The following ZNF121 variants were observed in gnomAD, a reference collection of about 807,000 sequenced individuals.
The protein encoded by ZNF121 is zinc finger protein 121 (clone ZHC32).
ZNF121 carries 1 observed loss-of-function variant against 2.4 expected under a neutral mutation model. The ratio of observed to expected loss-of-function variants is 0.41; its 90% confidence interval spans 0.15 to 1.94. ZNF121 has a LOEUF of 1.94. Ranked by LOEUF, ZNF121 falls within the 30% of genes most tolerant of loss-of-function variation. ZNF121 has a pLI of 0.30. For missense variants in ZNF121, 369 were observed against 466.3 expected (o/e 0.79, Z 1.92); for synonymous variants, 173 against 158.6 (o/e 1.09, Z -0.68).
rs189905991 is a variant in ZNF121, at chr19:9,581,315, C to T, written c.-160+3146G>A. Reference sequence around the variant, plus strand: ...CTGATGCAAGTCCTGCCCCTGTACCCTTTCCCTATTGGCCGGGGTCAGGTC... The same window carrying T: ...CTGATGCAAGTCCTGCCCCTGTACCTTTTCCCTATTGGCCGGGGTCAGGTC... On this transcript the variant is annotated intron_variant, in intron 1 of 3. Coordinates refer to ENST00000320451, the MANE Select transcript of ZNF121 (RefSeq NM_001008727.5). Among the ~76,000 whole-genome samples the T allele has an allele frequency of 3.2e-3, 489 of 152,258 alleles. 2 individuals are homozygous for T. The highest frequency in any genetic ancestry group is 0.011 in the African/African-American group (465 of 41,542).
chr19:9,567,053 G>A lies in ZNF121; in HGVS notation c.60C>T (p.Phe20=), dbSNP rs149905678. 156 of 1,613,954 alleles carry A rather than the reference G, an allele frequency of 9.7e-5. 1 individual carries two copies. Among genetic ancestry groups the A allele is most frequent in the Middle Eastern group, 6.6e-4 (4 of 6,060 alleles). The change falls in exon 4 of 4, where the codon TTC becomes TTT. Residue 20 remains phenylalanine, a synonymous_variant. Transcript: ENST00000320451. ...LCDFMENGEI[F]SEHSCLNAHM... The stretch of plus-strand genomic sequence containing the variant: ...GTGCATTAAGGCATGAGTGTTCACT[G>A]AAGATTTCTCCATTTTCCATAAAGT...
intron 1 of ZNF121, among the ~76,000 whole-genome samples, chr19:9,570,253 T>G (rs1287997489): frequency 2.6e-5 from 4 of 152,086 alleles, no homozygotes. Flanking sequence ...TGAAATAAAG[T>G]TATTTCTTAT....
intron 1 of ZNF121, among the ~76,000 whole-genome samples, chr19:9,576,447 G>A (rs996748075): frequency 2.0e-5 from 3 of 151,960 alleles, no homozygotes; most frequent in Admixed American, 6.6e-5. Flanking sequence ...ACAAATTAAA[G>A]TGAAACTACA....
chr19:9,578,447 A>G (rs1456328082), intron 1 of ZNF121, among the ~76,000 whole-genome samples: 2 of 152,176 alleles, frequency 1.3e-5, no homozygotes, highest in African/African-American at 4.8e-5. Context: ...CCTGATATCA[A>G]AATATTCTAC....
chr19:9,572,973 C>G (rs2074184475), intron 1 of ZNF121, among the ~76,000 whole-genome samples: 1 of 152,128 alleles, frequency 6.6e-6, no homozygotes, highest in Non-Finnish European at 1.5e-5. Context: ...CATGGTCACA[C>G]CACGGCACTG....
intron 1 of ZNF121, among the ~76,000 whole-genome samples, chr19:9,581,983 C>T (rs2074251128): frequency 6.6e-6 from 1 of 152,134 alleles, no homozygotes; most frequent in South Asian, 2.1e-4. Context: ...ATGTATTTAC[C>T]TGAGGTGAAA....
At chr19:9,570,521 A>G (rs2074166441) in intron 1 of ZNF121, among the ~76,000 whole-genome samples, 1 of 152,126 alleles carries the variant, frequency 6.6e-6, no homozygotes, top group African/African-American at 2.4e-5. Flanking sequence ...GACAGGTATG[A>G]CTGCAAAGAA....
rs1469317403 is a variant in ZNF121 at position 9,560,974 on chromosome 19, TGA to T, written c.*4964_*4965del. ...AAAGAGTGGTATGAGTTATCAATTC[TGA>T]GAGTAGCTTATATTTTAATCTAGGA... On this transcript the variant is annotated 3_prime_UTR_variant, in exon 4 of 4. Coordinates refer to ENST00000320451, the MANE Select transcript of ZNF121 (RefSeq NM_001008727.5). 2.6e-5 allele frequency: 4 copies of T among 152,254 alleles called. No individual in the cohort carries two copies. Among genetic ancestry groups the T allele is most frequent in the Non-Finnish European group, 4.4e-5 (3 of 68,036 alleles). The allele number at this position is 152,254 out of a possible 1,614,324, so 9.4% of individuals were successfully genotyped here.
Position 9,560,708 on chromosome 19 carries a change from C to G in ZNF121, c.*5232G>C, listed in dbSNP as rs1029038446. 6.6e-6 allele frequency: 1 copy of G among 152,208 alleles called. No homozygotes were observed. The highest frequency in any genetic ancestry group is 2.4e-5 in the African/African-American group (1 of 41,458). The allele number at this position is 152,208 out of a possible 1,614,324, so 9.4% of individuals were successfully genotyped here. A position where few individuals can be genotyped will look rare whatever the true frequency, so the allele number is the denominator to read the frequency against. ...GTATGTATATAATGCATTTTGTTTA[C>G]CAATTCATCTGTCAATGGACATTTA... On this transcript the variant is annotated 3_prime_UTR_variant, in exon 4 of 4. Coordinates refer to ENST00000320451, the MANE Select transcript of ZNF121 (RefSeq NM_001008727.5).
At chr19:9,583,489 CT>C (rs1185311747) in intron 1 of ZNF121, among the ~76,000 whole-genome samples, 3,163 of 56,408 alleles carry the variant, frequency 0.056, 34 homozygotes, top group Non-Finnish European at 0.075. Flanking sequence ...CCAAGCCTGG[CT>C]TTTTTTTTTT....
rs1174229668 is a variant in ZNF121, at chr19:9,561,927, A to G, written c.*4013T>C. 2 of 151,780 alleles carry G rather than the reference A, an allele frequency of 1.3e-5. No individual in the cohort carries two copies. The highest frequency in any genetic ancestry group is 4.9e-5 in the African/African-American group (2 of 41,236). The allele number at this position is 151,780 out of a possible 1,614,324, so 9.4% of individuals were successfully genotyped here. A position where few individuals can be genotyped will look rare whatever the true frequency, so the allele number is the denominator to read the frequency against. ...AAAAAAAAAGGAAAAGAAAACCACC[A>G]TTTGGAAACCACTACAGCAACAGCT... is the stretch of plus-strand genomic sequence containing the variant. On this transcript the variant is annotated 3_prime_UTR_variant, in exon 4 of 4. Transcript: ENST00000320451.
At chr19:9,577,791 G>A (rs1025246601) in intron 1 of ZNF121, among the ~76,000 whole-genome samples, 1 of 152,118 alleles carries the variant, frequency 6.6e-6, no homozygotes, top group Non-Finnish European at 1.5e-5. Flanking sequence ...GCTCACACCT[G>A]TAATCCCAGC....
chr19:9,568,219 A>C, intron 2 of ZNF121, 44 bp from the exon 3 acceptor site: 1 of 923,600 alleles, frequency 1.1e-6, no homozygotes, highest in South Asian at 2.0e-5. Context: ...GGGTCTGAGA[A>C]CAAAACAGTA....
intron 1 of ZNF121, among the ~76,000 whole-genome samples, chr19:9,577,597 T>C (rs1250608721): frequency 6.6e-6 from 1 of 152,080 alleles, no homozygotes; most frequent in Non-Finnish European, 1.5e-5. Context: ...GATTAGAATA[T>C]TGTTAAAATG....
chr19:9,564,335 C>T lies in ZNF121; in HGVS notation c.*1605G>A, dbSNP rs2074116772. On this transcript the variant is annotated 3_prime_UTR_variant, in exon 4 of 4. Coordinates refer to ENST00000320451, the MANE Select transcript of ZNF121 (RefSeq NM_001008727.5). ...GTGCTCTCATCGTGCTGGTGAATACCCACTTGTACTCCAGCATGAACAACA... is the reference window on the plus strand; with the variant it reads ...GTGCTCTCATCGTGCTGGTGAATACTCACTTGTACTCCAGCATGAACAACA... The T allele has an allele frequency of 6.6e-6, 1 of 151,936 alleles. No homozygotes were observed. The highest frequency in any genetic ancestry group is 2.4e-5 in the African/African-American group (1 of 41,374). 9.4% of individuals were successfully genotyped at this position (151,936 alleles called of 1,614,324 possible).
rs979973169 is a variant in ZNF121 at position 9,563,862 on chromosome 19, T to G, written c.*2078A>C. The G allele has an allele frequency of 6.6e-6, 1 of 152,240 alleles. No homozygotes were observed. The highest frequency in any genetic ancestry group is 6.5e-5 in the Admixed American group (1 of 15,282). The allele number at this position is 152,240 out of a possible 1,614,324, so 9.4% of individuals were successfully genotyped here. Reference sequence around the variant, plus strand: ...TCTTCCTGTGGTATCTATTTACATCTATTTACAGCATGGTTTACTGAATAT... The same window carrying G: ...TCTTCCTGTGGTATCTATTTACATCGATTTACAGCATGGTTTACTGAATAT... On this transcript the variant is annotated 3_prime_UTR_variant, in exon 4 of 4. Transcript: ENST00000320451.
chr19:9,562,952 T>C lies in ZNF121; in HGVS notation c.*2988A>G, dbSNP rs528632481. 2.1e-5 allele frequency: 3 copies of C among 142,196 alleles called. No homozygotes were observed. Among genetic ancestry groups the C allele is most frequent in the Middle Eastern group, 3.9e-3 (1 of 256 alleles). The allele number at this position is 142,196 out of a possible 1,614,324, so 8.8% of individuals were successfully genotyped here. ...GTGGTGCACACCTGCAGTCTTTAGCTACTCAGGAGACAGGAAGATCACTGG... is the reference window on the plus strand; with the variant it reads ...GTGGTGCACACCTGCAGTCTTTAGCCACTCAGGAGACAGGAAGATCACTGG... On this transcript the variant is annotated 3_prime_UTR_variant, in exon 4 of 4. Coordinates refer to ENST00000320451, the MANE Select transcript of ZNF121 (RefSeq NM_001008727.5).
At position 9,566,448 on chromosome 19, in the gene ZNF121, T is replaced by G; in HGVS notation, c.665A>C (p.His222Pro). The G allele has an allele frequency of 6.2e-7, 1 of 1,614,076 alleles. No homozygotes were observed. The highest frequency in any genetic ancestry group is 8.5e-7 in the Non-Finnish European group (1 of 1,179,984). The change falls in exon 4 of 4, where the codon CAC (histidine) becomes CCC (proline). Residue 222 changes from histidine (H) to proline (P), a missense_variant. Coordinates refer to ENST00000320451, the MANE Select transcript of ZNF121 (RefSeq NM_001008727.5). ...RSGLTKHVRI[H>P]TGEKPYECNE... ...ACATTCATAGGGCTTCTCTCCAGTG[T>G]GTATTCGTACATGTTTAGTAAGGCC...
At position 9,572,976 on chromosome 19, in the gene ZNF121, C is replaced by T. The variant is rs145587288; in HGVS notation, c.-159-3894G>A. Among the ~76,000 whole-genome samples the T allele has an allele frequency of 8.4e-3, 1,285 of 152,246 alleles. 36 individuals are homozygous for T. Among genetic ancestry groups the T allele is most frequent in the Admixed American group, 0.047 (724 of 15,284 alleles). ...GCTGCAGTAAGCCATGGTCACACCA[C>T]GGCACTGCAACCTGGGTGACAGAGA... On this transcript the variant is annotated intron_variant, in intron 1 of 3. Coordinates refer to ENST00000320451, the MANE Select transcript of ZNF121 (RefSeq NM_001008727.5).
Sources: allele counts gnomAD v4.1 joint callset (sites outside exome capture counted in the v4.1 genomes callset), GRCh38; gene constraint gnomAD v4.1.1; transcripts MANE v1.5; gene names NCBI Gene and HGNC (gene_info 2026-07-23, HGNC 2026-07-21).